Variants in RBBP8NL observed in about 807,000 individuals in gnomAD.
RBBP8NL encodes RBBP8 N-terminal-like protein.
Under a neutral mutation model 62.2 loss-of-function variants are expected in RBBP8NL, and 59 were observed. That is an observed-to-expected ratio of 0.95 (90% CI 0.77 to 1.18). The LOEUF (loss-of-function observed/expected upper bound fraction) is 1.18. Among genes scored for constraint, RBBP8NL ranks in the 50% most tolerant of loss-of-function variants. The pLI, the probability that RBBP8NL is intolerant of heterozygous loss-of-function variation, is 0.00. For missense variants in RBBP8NL, 896 were observed against 899.5 expected (o/e 1.00, Z 0.05); for synonymous variants, 412 against 394.1 (o/e 1.05, Z -0.54).
chr20:62,418,304 G>T, intron 3 of RBBP8NL, 119 bp downstream of exon 3: 1 of 1,014,126 alleles, frequency 9.9e-7, no homozygotes. Flanking sequence ...CCCCCACACT[G>T]AGCCTCAGTT....
At chr20:62,412,101 A>G (rs1988447286) in intron 13 of RBBP8NL, among the ~76,000 whole-genome samples, 1 of 152,240 alleles carries the variant, frequency 6.6e-6, no homozygotes, top group Non-Finnish European at 1.5e-5. Context: ...AGCTGGGTCC[A>G]AGGACACTGC....
In RBBP8NL at chr20:62,414,537, G is replaced by A. The variant is rs1373319623; in HGVS notation, c.814C>T (p.Pro272Ser). The change falls in exon 10 of 14, where the codon CCC becomes TCC. Residue 272 changes from proline to serine, a missense_variant. By Grantham distance (74) the Pro-to-Ser change is moderately conservative. Coordinates refer to ENST00000252998, the MANE Select transcript of RBBP8NL (RefSeq NM_080833.3). ...SLDSFLRASRPSAMTHEAPKL... is the reference protein window; with the variant it reads ...SLDSFLRASRSSAMTHEAPKL... ...GGGGCCTCATGGGTCATGGCGGAGG[G>A]CCGGGAGGCCCGCAGGAAGCTGTGA... 1.4e-6 allele frequency: 2 copies of A among 1,428,304 alleles called. No homozygotes were observed. The highest frequency in any genetic ancestry group is 1.8e-6 in the Non-Finnish European group (2 of 1,086,088). The allele number at this position is 1,428,304 out of a possible 1,614,324, so 88.5% of individuals were successfully genotyped here. A position where few individuals can be genotyped will look rare whatever the true frequency, so the allele number is the denominator to read the frequency against.
chr20:62,416,358 C>A, intron 5 of RBBP8NL, 122 bp from the exon 6 acceptor site: 1 of 875,040 alleles, frequency 1.1e-6, no homozygotes, highest in South Asian at 1.5e-5. Flanking sequence ...CAGGGCCTGG[C>A]AGGCAGCAGG....
At chr20:62,413,234 T>C (rs1387895000) in intron 11 of RBBP8NL, among the ~76,000 whole-genome samples, 167 bp downstream of exon 11, 1 of 152,250 alleles carries the variant, frequency 6.6e-6, no homozygotes, top group Non-Finnish European at 1.5e-5. Flanking sequence ...TCCTCCGGTG[T>C]CTGCAGGTGG....
chr20:62,410,530 G>GTAGAT lies in RBBP8NL; in HGVS notation c.*347_*348insATCTA. On this transcript the variant is annotated 3_prime_UTR_variant, in exon 14 of 14. Coordinates refer to ENST00000252998, the MANE Select transcript of RBBP8NL (RefSeq NM_080833.3). ...TCCCCACACCCCTCAGGGAGCAGGTGCTGGGCTGTGGGAGGGGCCGCAGAG... is the reference window on the plus strand; with the variant it reads ...TCCCCACACCCCTCAGGGAGCAGGTGTAGATCTGGGCTGTGGGAGGGGCCGCAGAG... The GTAGAT allele has an allele frequency of 3.2e-6, 1 of 308,350 alleles. No individual in the cohort carries two copies. Among genetic ancestry groups the GTAGAT allele is most frequent in the South Asian group, 5.0e-5 (1 of 19,846 alleles). 19.1% of individuals were successfully genotyped at this position (308,350 alleles called of 1,614,324 possible).
intron 13 of RBBP8NL, 75 bp downstream of exon 13, chr20:62,412,549 A>T: frequency 6.5e-7 from 1 of 1,539,934 alleles, no homozygotes; most frequent in Admixed American, 1.7e-5. Flanking sequence ...CCAGGAGGAG[A>T]GGTGGCACTG....
intron 5 of RBBP8NL, 54 bp from the exon 6 acceptor site, chr20:62,416,290 G>A: frequency 8.8e-7 from 1 of 1,137,808 alleles, no homozygotes; most frequent in South Asian, 1.3e-5. Context: ...GACAGGGGCA[G>A]GGGTGGGGTC....
chr20:62,419,745 G>A lies in RBBP8NL; in HGVS notation c.-83-15C>T, dbSNP rs565551574. On this transcript the variant is annotated splice_polypyrimidine_tract_variant and intron_variant, in intron 1 of 13. Transcript: ENST00000252998. ...CTGTGTCCATCCTGAAGAGGAGGAA[G>A]AGGGGACAGGGATCCGCTCAGGAAG... 627 of 1,339,154 alleles carry A rather than the reference G, an allele frequency of 4.7e-4. 1 individual carries two copies. Among genetic ancestry groups the A allele is most frequent in the Non-Finnish European group, 6.2e-4 (591 of 948,660 alleles). The allele number at this position is 1,339,154 out of a possible 1,614,324, so 83.0% of individuals were successfully genotyped here.
chr20:62,418,581 C>T, intron 2 of RBBP8NL, 116 bp from the exon 3 acceptor site: 2 of 1,057,956 alleles, frequency 1.9e-6, no homozygotes, highest in Non-Finnish European at 2.8e-6. Context: ...CCTGCACCCC[C>T]TGGGGGAGCC....
Position 62,418,450 on chromosome 20 carries a change from A to G in RBBP8NL, c.77T>C (p.Leu26Pro). 6.5e-7 allele frequency: 1 copy of G among 1,550,330 alleles called. No individual in the cohort carries two copies. Among genetic ancestry groups the G allele is most frequent in the Non-Finnish European group, 8.7e-7 (1 of 1,146,922 alleles). ...GCACCTCTCTGAGTTCAGTTCCAGA[A>G]GCTTGTTCTGCAGGCCTGGGGGAGC... is the stretch of plus-strand genomic sequence containing the variant. ...EKEVLGLQNKLLELNSERCRD... is the reference protein window; with the variant it reads ...EKEVLGLQNKPLELNSERCRD... Residue 26 changes from leucine (L) to proline (P), a missense_variant, in exon 3 of 14, where the codon CTT (leucine) becomes CCT (proline). Transcript: ENST00000252998.
intron 1 of RBBP8NL, among the ~76,000 whole-genome samples, chr20:62,423,941 T>C (rs913982614): frequency 6.6e-5 from 10 of 151,964 alleles, no homozygotes; most frequent in African/African-American, 2.4e-4. Context: ...GTCAGCCTTC[T>C]CTGGGTTTGT....
rs527310870 is a variant in RBBP8NL, at chr20:62,414,052, C to A, written c.1299G>T (p.Thr433=). ...GRAQRTEAAA[T]QDCALDKPLD... ...GGGGCTTGTCTAGGGCACAGTCCTG[C>A]GTGGCTGCAGCCTCTGTCCTCTGGG... The change falls in exon 10 of 14, where the codon ACG becomes ACT. Residue 433 remains threonine, a synonymous_variant. Transcript: ENST00000252998. The A allele has an allele frequency of 2.5e-6, 4 of 1,593,382 alleles. No homozygotes were observed. The highest frequency in any genetic ancestry group is 4.6e-5 in the East Asian group (2 of 43,832).
At position 62,414,386 on chromosome 20, in the gene RBBP8NL, A is replaced by C. The variant is rs1438861058; in HGVS notation, c.965T>G (p.Leu322Arg). The C allele has an allele frequency of 6.5e-7, 1 of 1,540,112 alleles. No homozygotes were observed. Residue 322 changes from leucine to arginine, a missense_variant, in exon 10 of 14, where the codon CTG becomes CGG. Physicochemically the swap from Leu to Arg is moderately radical, Grantham distance 102. Coordinates refer to ENST00000252998, the MANE Select transcript of RBBP8NL (RefSeq NM_080833.3). ...CCAGGCCTCTGCTTCTCTGGCCTTC[A>C]GGTCCTGGAGCCGGGGGTCGCTGGG... ...AAPSDPRLQD[L>R]KAREAEAWEE...
chr20:62,415,106 G>T lies in RBBP8NL; in HGVS notation c.794+15C>A, dbSNP rs62196317. The T allele has an allele frequency of 2.1e-6, 3 of 1,455,256 alleles. No homozygotes were observed. Among genetic ancestry groups the T allele is most frequent in the Admixed American group, 2.7e-5 (1 of 37,022 alleles). The allele number at this position is 1,455,256 out of a possible 1,614,324, so 90.1% of individuals were successfully genotyped here. A position where few individuals can be genotyped will look rare whatever the true frequency, so the allele number is the denominator to read the frequency against. ...ATCTGAGGCTACTCTGGGTGAGGGTGGGGCAGGCGGGCACCTGTCCAGGGA... is the reference window on the plus strand; with the variant it reads ...ATCTGAGGCTACTCTGGGTGAGGGTTGGGCAGGCGGGCACCTGTCCAGGGA... On this transcript the variant is annotated intron_variant, in intron 9 of 13. Transcript: ENST00000252998.
rs141582280 is a variant in RBBP8NL, at chr20:62,412,624, C to T, written c.1876G>A (p.Ala626Thr). Residue 626 changes from alanine to threonine, a missense_variant and splice_region_variant, in exon 13 of 14, where the codon GCC (alanine) becomes ACC (threonine). By Grantham distance (58) the Ala-to-Thr change is moderately conservative (BLOSUM62 0). Transcript: ENST00000252998. Reference sequence around the variant, plus strand: ...TGCACCTGCCCCATGCCAGCTGTACCTTTGTCCCCAGGCTCCGAGGCCCGC... The same window carrying T: ...TGCACCTGCCCCATGCCAGCTGTACTTTTGTCCCCAGGCTCCGAGGCCCGC... The part of the protein sequence containing the change: ...RKRASEPGDK[A>T]SKKPSRGRRK... 5 of 1,603,530 alleles carry T rather than the reference C, an allele frequency of 3.1e-6. No individual in the cohort carries two copies. In the African/African-American group the frequency reaches 4.0e-5, roughly 13 times the overall value.
At chr20:62,416,914 A>G (rs1406000885) in intron 4 of RBBP8NL, 42 bp from the exon 5 acceptor site, 1 of 1,445,086 alleles carries the variant, frequency 6.9e-7, no homozygotes, top group Non-Finnish European at 9.4e-7. Context: ...GATGGCACGG[A>G]AGCCACAGAG....
intron 5 of RBBP8NL, 35 bp downstream of exon 5, chr20:62,416,725 G>A (rs1324770528): frequency 6.8e-7 from 1 of 1,476,416 alleles, no homozygotes; most frequent in Admixed American, 1.9e-5. Flanking sequence ...GGCCCCGTGG[G>A]AGAGGACCCC....
At chr20:62,411,573 T>C (rs1601484231) in intron 13 of RBBP8NL, among the ~76,000 whole-genome samples, 1 of 152,322 alleles carries the variant, frequency 6.6e-6, no homozygotes, top group Middle Eastern at 3.4e-3. Flanking sequence ...CTGGGCAGGG[T>C]CATAAGGCTC....
intron 2 of RBBP8NL, 85 bp downstream of exon 2, chr20:62,419,500 TCA>T: frequency 7.2e-7 from 1 of 1,393,546 alleles, no homozygotes; most frequent in East Asian, 2.3e-5. Flanking sequence ...TTGGAGGTGA[TCA>T]TGGGTGCACA....
Sources: allele counts gnomAD v4.1 joint callset (sites outside exome capture counted in the v4.1 genomes callset), GRCh38; gene constraint gnomAD v4.1.1; transcripts MANE v1.5; gene names NCBI Gene and HGNC (gene_info 2026-07-23, HGNC 2026-07-21).